Variants in MFSD8 observed in about 807,000 individuals in gnomAD.
MFSD8 encodes major facilitator superfamily domain containing 8.
A neutral mutation model predicts 66.4 loss-of-function variants in MFSD8; 55 were observed. The ratio of observed to expected loss-of-function variants is 0.83; its 90% CI spans 0.67 to 1.04. The LOEUF (loss-of-function observed/expected upper bound fraction) is 1.04. Ranked by LOEUF, MFSD8 falls within the 50% of genes least tolerant of loss-of-function variation. The pLI, the probability that MFSD8 is intolerant of heterozygous loss-of-function variation, is 0.00. For missense variants in MFSD8, 550 were observed against 627.6 expected (o/e 0.88, Z 1.32); for synonymous variants, 202 against 212.8 (o/e 0.95, Z 0.44).
At position 127,949,822 on chromosome 4, in the gene MFSD8, T is replaced by C; in HGVS notation, c.180A>G (p.Ile60Met). The C allele has an allele frequency of 6.2e-7, 1 of 1,612,064 alleles. No individual in the cohort carries two copies. The highest frequency in any genetic ancestry group is 2.2e-5 in the East Asian group (1 of 44,724). ...TACAAACCTTTTGGAGATATGGCCA[T>C]ATGGACATCATCACTACAGAAAACC... ...SVGFSVVMMS[I>M]WPYLQKIDPT... Residue 60 changes from isoleucine (I) to methionine (M), a missense_variant, in exon 3 of 12, where the codon ATA becomes ATG. Physicochemically the swap from Ile to Met is conservative, Grantham distance 10 (BLOSUM62 1). Transcript: ENST00000641686.
At chr4:127,947,306 C>T (rs1187712661) in intron 3 of MFSD8, among the ~76,000 whole-genome samples, 1 of 152,016 alleles carries the variant, frequency 6.6e-6, no homozygotes, top group Non-Finnish European at 1.5e-5. Flanking sequence ...ATGTGAATCG[C>T]TTGAACCCAG....
intron 7 of MFSD8, among the ~76,000 whole-genome samples, chr4:127,933,864 T>C (rs1738579088): frequency 6.6e-6 from 1 of 152,202 alleles, no homozygotes; most frequent in South Asian, 2.1e-4. Flanking sequence ...TTTACTACAA[T>C]GGATATATAT....
At chr4:127,964,242 C>T (rs913275715) in intron 1 of MFSD8, among the ~76,000 whole-genome samples, 8 of 152,254 alleles carry the variant, frequency 5.3e-5, no homozygotes, top group Non-Finnish European at 8.8e-5. Context: ...ACCCGCACTC[C>T]TCAGCCCTTG....
In MFSD8 at chr4:127,921,642, G is replaced by T. The variant is rs1560717547; in HGVS notation, c.1232C>A (p.Thr411Asn). ...CSIEQAWCLY[T>N]PVIHLAQFLT... ...GAACTGGGCCAGATGAATCACCGGG[G>T]TGTAGAGGCACCAGGCTTGTTCAAT... The change falls in exon 11 of 12, where the codon ACC (threonine) becomes AAC (asparagine). Residue 411 changes from threonine (T) to asparagine (N), a missense_variant. By Grantham distance (65) the Thr-to-Asn change is moderately conservative. Coordinates refer to ENST00000641686, the MANE Select transcript of MFSD8 (RefSeq NM_001371596.2). 1.9e-6 allele frequency: 3 copies of T among 1,614,202 alleles called. No individual in the cohort carries two copies. The highest frequency in any genetic ancestry group is 2.5e-6 in the Non-Finnish European group (3 of 1,180,030).
In MFSD8 at chr4:127,930,743, A is replaced by C; in HGVS notation, c.938T>G (p.Leu313Arg). The change falls in exon 9 of 12, where the codon CTT (leucine) becomes CGT (arginine). Residue 313 changes from leucine to arginine, a missense_variant. Transcript: ENST00000641686. ...EQAVLYNGII[L>R]AALGVEAVVI... ...AACGGCTTCAACCCCAAGAGCAGCA[A>C]GTATTATGCCATTATATAACACAGC... is the stretch of plus-strand genomic sequence containing the variant. 6.2e-7 allele frequency: 1 copy of C among 1,613,756 alleles called. No individual in the cohort carries two copies. The highest frequency in any genetic ancestry group is 1.1e-5 in the South Asian group (1 of 91,034).
chr4:127,957,029 G>A (rs1353176534), intron 2 of MFSD8, among the ~76,000 whole-genome samples: 3 of 151,968 alleles, frequency 2.0e-5, no homozygotes, highest in African/African-American at 7.3e-5. Flanking sequence ...AAGCACATAG[G>A]AGAATAGAGG....
At chr4:127,962,818 A>G (rs1013252327) in intron 1 of MFSD8, among the ~76,000 whole-genome samples, 2 of 152,240 alleles carry the variant, frequency 1.3e-5, no homozygotes, top group Non-Finnish European at 2.9e-5. Context: ...AAAATCAAGT[A>G]AAGATAAAAC....
At chr4:127,965,291 C>T (rs907478096), upstream of MFSD8, 29 of 877,754 alleles carry the variant, frequency 3.3e-5, no homozygotes, top group Non-Finnish European at 5.1e-5. Flanking sequence ...GGCGGGGTCA[C>T]GCGGAAGGCC....
At position 127,920,830 on chromosome 4, in the gene MFSD8, A is replaced by G. The variant is rs769573477; in HGVS notation, c.1357T>C (p.Tyr453His). The change falls in exon 12 of 12, where the codon TAC (tyrosine) becomes CAC (histidine). Residue 453 changes from tyrosine (Y) to histidine (H), a missense_variant. Physicochemically the swap from Tyr to His is moderately conservative, Grantham distance 83. Transcript: ENST00000641686. ...CCAGATGCTGTTAACCAGCCCATGT[A>G]TACACCCTGTTGGGGGTGAAATGGA... ...KILGPKPQGV[Y>H]MGWLTASGSG... is the part of the protein sequence containing the mutation. 5 of 1,613,758 alleles carry G rather than the reference A, an allele frequency of 3.1e-6. No homozygotes were observed. The highest frequency in any genetic ancestry group is 1.7e-5 in the Admixed American group (1 of 59,880).
intron 1 of MFSD8, among the ~76,000 whole-genome samples, chr4:127,962,729 A>T (rs1744006198): frequency 6.6e-6 from 1 of 152,200 alleles, no homozygotes; most frequent in South Asian, 2.1e-4. Context: ...AACAGTCCCA[A>T]ATGTCTCAAT....
rs550911155 is a variant in MFSD8, at chr4:127,941,134, T to C, written c.553+911A>G. Among the ~76,000 whole-genome samples, 45 of 152,316 alleles carry C rather than the reference T, an allele frequency of 3.0e-4. No homozygotes were observed. In the South Asian group the frequency reaches 8.7e-3, roughly 29 times the overall value. On this transcript the variant is annotated intron_variant, in intron 5 of 11. Coordinates refer to ENST00000641686, the MANE Select transcript of MFSD8 (RefSeq NM_001371596.2). ...AACCATGTCCTCATGTACTTTACAA[T>C]ATAGTATTCAAGTTCAATTATTCTA...
At position 127,921,744 on chromosome 4, in the gene MFSD8, G is replaced by T. The variant is rs1308436540; in HGVS notation, c.1130C>A (p.Thr377Asn). 1.9e-6 allele frequency: 3 copies of T among 1,614,012 alleles called. No homozygotes were observed. In the African/African-American group the frequency reaches 4.0e-5, roughly 22 times the overall value. Residue 377 changes from threonine to asparagine, a missense_variant, in exon 11 of 12, where the codon ACC becomes AAC. By Grantham distance (65) the Thr-to-Asn change is moderately conservative. Transcript: ENST00000641686. ...ACCAATAATAATTTCCCCAAATGTG[G>T]TATTAGGGATTGAATTATTGTGCAA... ...EDLHNNSIPN[T>N]TFGEIIIGLW...
chr4:127,933,303 G>GGTGCAA, intron 7 of MFSD8: 6 of 449,182 alleles, frequency 1.3e-5, no homozygotes, highest in South Asian at 2.3e-5. Context: ...AGAGTGCAGT[G>GGTGCAA]TCATGATCAC....
chr4:127,954,432 A>G (rs1742525404), intron 2 of MFSD8, among the ~76,000 whole-genome samples: 1 of 152,186 alleles, frequency 6.6e-6, no homozygotes, highest in African/African-American at 2.4e-5. Context: ...CCTGGCAAAA[A>G]TGGCAAAACC....
chr4:127,921,357 C>G, intron 11 of MFSD8, 167 bp downstream of exon 11: 1 of 1,147,910 alleles, frequency 8.7e-7, no homozygotes, highest in Non-Finnish European at 1.2e-6. Flanking sequence ...CATAACCTAC[C>G]CAAGAATGAA....
chr4:127,965,572 G>A (rs756451876), upstream of MFSD8: 8 of 237,672 alleles, frequency 3.4e-5, no homozygotes, highest in Non-Finnish European at 6.0e-5. Flanking sequence ...TGGGAGGCCC[G>A]GCCAGCTCGA....
chr4:127,965,265 A>C (rs1744890995), upstream of MFSD8: 1 of 1,176,492 alleles, frequency 8.5e-7, no homozygotes, highest in Admixed American at 2.0e-5. Flanking sequence ...CGTAGGCGGA[A>C]CGCCCCGAGG....
At chr4:127,958,008 T>G (rs189099087) in intron 1 of MFSD8, among the ~76,000 whole-genome samples, 1 of 152,180 alleles carries the variant, frequency 6.6e-6, no homozygotes, top group African/African-American at 2.4e-5. Context: ...TATAACATGC[T>G]CTACTTGATG....
At chr4:127,944,625 A>G (rs906933005) in intron 3 of MFSD8, among the ~76,000 whole-genome samples, 1 of 152,170 alleles carries the variant, frequency 6.6e-6, no homozygotes, top group African/African-American at 2.4e-5. Context: ...GAAAAATAGA[A>G]AATGTTAGCT....
Sources: gnomAD v4.1 joint callset for allele counts (sites outside exome capture counted in the v4.1 genomes callset) on GRCh38, gnomAD v4.1.1 for gene constraint, MANE v1.5 for transcripts, NCBI Gene and HGNC (gene_info 2026-07-23, HGNC 2026-07-21) for gene names.